Variants in VDAC2 observed in about 807,000 individuals in gnomAD.
VDAC2 encodes voltage dependent anion channel 2, also known as non-selective voltage-gated ion channel VDAC2.
A neutral mutation model predicts 36.6 loss-of-function variants in VDAC2; 6 were observed. The ratio of observed to expected loss-of-function variants is 0.16; its 90% confidence interval spans 0.09 to 0.32. The LOEUF is 0.32. VDAC2 is among the 10% of genes least tolerant of loss of function. VDAC2 has a pLI of 1.00. For missense variants in VDAC2, 247 were observed against 346.0 expected, an observed-to-expected ratio of 0.71 and a Z score of 2.27; for synonymous variants, 109 against 123.8, an observed-to-expected ratio of 0.88 and a Z score of 0.79.
intron 8 of VDAC2, among the ~76,000 whole-genome samples, chr10:75,228,278 T>C (rs1372478390): frequency 3.3e-5 from 5 of 151,706 alleles, no homozygotes; most frequent in African/African-American, 1.2e-4. Context: ...TTCTTTCTTT[T>C]TTTTTTTTTG....
chr10:75,220,135 A>G (rs1841767683), intron 6 of VDAC2, among the ~76,000 whole-genome samples: 1 of 122,308 alleles, frequency 8.2e-6, no homozygotes, highest in African/African-American at 3.2e-5. Context: ...CTGTTTGTTT[A>G]TTCTCTGTCA....
intron 3 of VDAC2, among the ~76,000 whole-genome samples, 198 bp from the exon 4 acceptor site, chr10:75,213,823 A>G (rs1841511095): frequency 6.6e-6 from 1 of 152,246 alleles, no homozygotes; most frequent in East Asian, 1.9e-4. Flanking sequence ...AAAGCAGCAT[A>G]GGGATAATTC....
rs1445680292 is a variant in VDAC2, at chr10:75,230,927, G to A, written c.823G>A (p.Asp275Asn). The A allele has an allele frequency of 1.1e-5, 17 of 1,613,578 alleles. No homozygotes were observed. The highest frequency in any genetic ancestry group is 1.4e-5 in the Non-Finnish European group (17 of 1,179,790). ...GVKLTLSALV[D>N]GKSINAGGHK... ...GAAGCTTACACTCTCTGCTCTGGTAGATGGGAAGAGCATTAATGCTGGAGG... is the reference window on the plus strand; with the variant it reads ...GAAGCTTACACTCTCTGCTCTGGTAAATGGGAAGAGCATTAATGCTGGAGG... Residue 275 changes from aspartate to asparagine, a missense_variant, in exon 10 of 10, where the codon GAT becomes AAT. By Grantham distance (23) the Asp-to-Asn change is conservative. Transcript: ENST00000332211.
At chr10:75,228,541 C>T (rs900153653) in intron 8 of VDAC2, among the ~76,000 whole-genome samples, 4 of 152,232 alleles carry the variant, frequency 2.6e-5, no homozygotes, top group African/African-American at 9.6e-5. Flanking sequence ...TGGTGTCAGC[C>T]ACTGCGCCAG....
chr10:75,213,101 C>T (rs988684089), intron 3 of VDAC2, among the ~76,000 whole-genome samples: 2 of 151,920 alleles, frequency 1.3e-5, no homozygotes, highest in Non-Finnish European at 2.9e-5. Flanking sequence ...TTTTTTGAGA[C>T]GGAATCTCGC....
chr10:75,214,953 GGAGTGCAGT>G (rs1301645210), intron 4 of VDAC2, among the ~76,000 whole-genome samples: 6 of 152,180 alleles, frequency 3.9e-5, no homozygotes, highest in African/African-American at 7.2e-5. Flanking sequence ...TGCCCAGGCT[GGAGTGCAGT>G]GAGTGCAGTG....
chr10:75,214,130 G>C, intron 4 of VDAC2, 60 bp downstream of exon 4: 1 of 1,537,608 alleles, frequency 6.5e-7, no homozygotes, highest in Non-Finnish European at 9.0e-7. Context: ...CTTGTAAAAT[G>C]GTCATAACTG....
At chr10:75,225,858 T>G (rs945458786) in intron 8 of VDAC2, among the ~76,000 whole-genome samples, 1 of 152,124 alleles carries the variant, frequency 6.6e-6, no homozygotes, top group Non-Finnish European at 1.5e-5. Context: ...AGTGGCGTGA[T>G]CTCGGCTCAC....
intron 4 of VDAC2, chr10:75,218,270 C>T (rs925275899): frequency 1.3e-5 from 2 of 159,844 alleles, no homozygotes; most frequent in African/African-American, 4.8e-5. Flanking sequence ...GTCCTCCCAC[C>T]TCTGCCTCCT....
intron 9 of VDAC2, among the ~76,000 whole-genome samples, 193 bp from the exon 10 acceptor site, chr10:75,230,705 T>C (rs985472859): frequency 1.3e-5 from 2 of 152,362 alleles, no homozygotes; most frequent in Non-Finnish European, 1.5e-5. Context: ...GTGCCTTAGC[T>C]AGAATGGTAA....
chr10:75,218,998 G>T, intron 4 of VDAC2, 65 bp from the exon 5 acceptor site: 1 of 1,517,988 alleles, frequency 6.6e-7, no homozygotes, highest in South Asian at 1.3e-5. Context: ...GTGTGTGCGT[G>T]TGTAAGGCAG....
At position 75,220,935 on chromosome 10, in the gene VDAC2, C is replaced by T. The variant is rs34676908; in HGVS notation, c.549C>T (p.Gly183=). 284 of 1,613,344 alleles carry T rather than the reference C, an allele frequency of 1.8e-4. 1 individual carries two copies. The African/African-American group carries it at 3.5e-3, about 20-fold the overall frequency. Residue 183 remains glycine, a synonymous_variant, in exon 7 of 10, where the codon GGC becomes GGT. Transcript: ENST00000332211. ...SKLTRNNFAV[G]YRTGDFQLHT... The stretch of plus-strand genomic sequence containing the variant: ...TGACAAGGAATAACTTTGCAGTGGG[C>T]TACAGGACTGGGGACTTCCAGCTAC...
intron 8 of VDAC2, chr10:75,229,173 T>C (rs1186859326): frequency 6.6e-6 from 1 of 152,212 alleles, no homozygotes; most frequent in African/African-American, 2.4e-5. Flanking sequence ...TTTTTTTTTT[T>C]TTTTAAACAT....
At chr10:75,222,721 G>A (rs774388543) in intron 8 of VDAC2, among the ~76,000 whole-genome samples, 1 of 151,782 alleles carries the variant, frequency 6.6e-6, no homozygotes, top group Non-Finnish European at 1.5e-5. Flanking sequence ...AAATAATAGT[G>A]CTTTTTTAAG....
At position 75,211,207 on chromosome 10, in the gene VDAC2, C is replaced by T. The variant is rs1405646646; in HGVS notation, c.31+18C>T. 16 of 1,612,240 alleles carry T rather than the reference C, an allele frequency of 9.9e-6. No individual in the cohort carries two copies. The highest frequency in any genetic ancestry group is 2.2e-5 in the South Asian group (2 of 90,666). On this transcript the variant is annotated intron_variant, in intron 2 of 9. Coordinates refer to ENST00000332211, the MANE Select transcript of VDAC2 (RefSeq NM_001391963.1). ...CGCGCGTCGTAAGTAAAGCTGGGAT[C>T]TCTGCGGGATGGGGCGGCGGAGAGT...
At chr10:75,222,146 A>T in intron 7 of VDAC2, 106 bp from the exon 8 acceptor site, 1 of 1,249,166 alleles carries the variant, frequency 8.0e-7, no homozygotes, top group Non-Finnish European at 1.1e-6. Context: ...CTAAAGACCC[A>T]CTTGAGCTGT....
At chr10:75,224,766 C>T (rs150380078) in intron 8 of VDAC2, among the ~76,000 whole-genome samples, 38 of 152,310 alleles carry the variant, frequency 2.5e-4, no homozygotes, top group African/African-American at 8.7e-4. Context: ...AGCCACCTTG[C>T]AAGGGTAAAA....
At chr10:75,218,747 C>T (rs888605166) in intron 4 of VDAC2, among the ~76,000 whole-genome samples, 59 of 149,990 alleles carry the variant, frequency 3.9e-4, no homozygotes, top group Non-Finnish European at 6.8e-4. Context: ...GGCGATAGAG[C>T]GGGACTCTGT....
chr10:75,216,771 T>G (rs894463776), intron 4 of VDAC2, among the ~76,000 whole-genome samples: 2 of 152,168 alleles, frequency 1.3e-5, no homozygotes, highest in African/African-American at 2.4e-5. Context: ...TTAATGTCAT[T>G]CAGGATTAAA....
Sources: allele counts gnomAD v4.1 joint callset (sites outside exome capture counted in the v4.1 genomes callset), GRCh38; gene constraint gnomAD v4.1.1; transcripts MANE v1.5; gene names NCBI Gene and HGNC (gene_info 2026-07-23, HGNC 2026-07-21).